TAF3: variants seen among roughly 807,000 people sequenced by gnomAD.
The protein encoded by TAF3 is transcription initiation factor TFIID subunit 3.
In TAF3, 7 loss-of-function variants were observed where a neutral mutation model predicts 80.6. The ratio of observed to expected loss-of-function variants is 0.09; its 90% CI spans 0.05 to 0.16. The LOEUF is 0.16. Ranked by LOEUF, TAF3 falls within the 10% of genes least tolerant of loss-of-function variation. TAF3 has a pLI of 1.00. For synonymous variants in TAF3, 444 were observed against 446.1 expected (o/e 1.00, Z 0.06); for missense variants, 921 against 1,140.2 (o/e 0.81, Z 2.77).
intron 2 of TAF3, among the ~76,000 whole-genome samples, chr10:7,858,890 A>G (rs1372890604): frequency 6.6e-6 from 1 of 152,046 alleles, no homozygotes; most frequent in African/African-American, 2.4e-5. Flanking sequence ...GAACATGTGA[A>G]TGTATCCTCC....
At chr10:7,970,380 T>C (rs1831611222) in intron 3 of TAF3, among the ~76,000 whole-genome samples, 1 of 152,254 alleles carries the variant, frequency 6.6e-6, no homozygotes, top group Non-Finnish European at 1.5e-5. Flanking sequence ...GGGTTTGGTA[T>C]AGTGGTTCCT....
chr10:8,016,158 G>T lies in TAF3; in HGVS notation c.*1407G>T, dbSNP rs866945022. 68 of 152,152 alleles carry T rather than the reference G, an allele frequency of 4.5e-4. No homozygotes were observed. Among genetic ancestry groups the T allele is most frequent in the African/African-American group, 1.5e-3 (64 of 41,512 alleles). 9.4% of individuals were successfully genotyped at this position (152,152 alleles called of 1,614,324 possible). A position where few individuals can be genotyped will look rare whatever the true frequency, so the allele number is the denominator to read the frequency against. On this transcript the variant is annotated 3_prime_UTR_variant, in exon 7 of 7. Transcript: ENST00000344293. ...ATTTTAGCAACTTTGGGATAAATAC[G>T]GACTTTTACTTGATTTTGAAATAAT...
At chr10:8,011,207 A>C (rs1388848009) in intron 5 of TAF3, among the ~76,000 whole-genome samples, 1 of 152,132 alleles carries the variant, frequency 6.6e-6, no homozygotes, top group Non-Finnish European at 1.5e-5. Flanking sequence ...GGTAGGACTC[A>C]TGGTATTTGT....
chr10:7,846,216 C>T (rs778494675), intron 2 of TAF3, among the ~76,000 whole-genome samples: 3 of 151,938 alleles, frequency 2.0e-5, no homozygotes, highest in East Asian at 1.9e-4. Flanking sequence ...CTTGGCCTCC[C>T]GAAGTGCTGG....
chr10:7,986,398 G>A (rs550350422), intron 4 of TAF3, among the ~76,000 whole-genome samples: 3 of 152,038 alleles, frequency 2.0e-5, no homozygotes, highest in Non-Finnish European at 4.4e-5. Context: ...CTTCTTTTTC[G>A]TATATGTTGG....
At chr10:7,863,608 TA>T (rs1230925353) in intron 2 of TAF3, among the ~76,000 whole-genome samples, 295 of 20,398 alleles carry the variant, frequency 0.014, 8 homozygotes, top group East Asian at 0.1. Flanking sequence ...AAACTCTGTC[TA>T]AAAAAAAAAA....
intron 1 of TAF3, among the ~76,000 whole-genome samples, chr10:7,820,031 G>T (rs2131094399): frequency 6.6e-6 from 1 of 152,266 alleles, no homozygotes; most frequent in East Asian, 1.9e-4. Flanking sequence ...CTAGCATTTT[G>T]CTTACCTTTT....
chr10:8,013,881 A>G lies in TAF3; in HGVS notation c.2675+44A>G, dbSNP rs148015524. The G allele has an allele frequency of 7.5e-4, 1,134 of 1,519,324 alleles. 4 individuals are homozygous for G. The African/African-American group carries it at 0.011, about 15-fold the overall frequency. 94.1% of individuals were successfully genotyped at this position (1,519,324 alleles called of 1,614,324 possible). On this transcript the variant is annotated intron_variant, in intron 6 of 6. Transcript: ENST00000344293. ...CTGCCGGCCACACTCATTAGGCAGC[A>G]TCAGCCGCTCCTGAGATGAAGCATC...
At chr10:7,973,251 A>G (rs1443817071) in intron 3 of TAF3, among the ~76,000 whole-genome samples, 1 of 152,240 alleles carries the variant, frequency 6.6e-6, no homozygotes, top group Non-Finnish European at 1.5e-5. Flanking sequence ...GGCCAAACAC[A>G]CAACTCAATA....
chr10:7,836,739 A>G (rs1415496939), intron 2 of TAF3, among the ~76,000 whole-genome samples: 1 of 152,198 alleles, frequency 6.6e-6, no homozygotes, highest in Non-Finnish European at 1.5e-5. Context: ...TTTCTTAAAA[A>G]ATTTCCAAAA....
At chr10:7,879,724 C>T (rs372478014) in intron 2 of TAF3, among the ~76,000 whole-genome samples, 20 of 152,074 alleles carry the variant, frequency 1.3e-4, no homozygotes, top group East Asian at 9.6e-4. Flanking sequence ...AGTTATTTAC[C>T]TTTCTGGATT....
At chr10:7,989,585 T>C (rs1246892736) in intron 4 of TAF3, among the ~76,000 whole-genome samples, 1 of 152,244 alleles carries the variant, frequency 6.6e-6, no homozygotes, top group Admixed American at 6.5e-5. Context: ...TGGTTCTGTA[T>C]ACATCATAGA....
chr10:8,011,678 G>T (rs1471333777), intron 5 of TAF3, among the ~76,000 whole-genome samples: 1 of 152,166 alleles, frequency 6.6e-6, no homozygotes, highest in Non-Finnish European at 1.5e-5. Flanking sequence ...TTAATTAGAG[G>T]CAACATCACC....
chr10:7,891,092 A>C (rs1446244333), intron 2 of TAF3, among the ~76,000 whole-genome samples: 1 of 152,208 alleles, frequency 6.6e-6, no homozygotes, highest in Admixed American at 6.5e-5. Flanking sequence ...TTTAGAGAAA[A>C]ATGGAGAGGA....
At chr10:7,912,997 C>T (rs1307511221) in intron 2 of TAF3, among the ~76,000 whole-genome samples, 1 of 152,098 alleles carries the variant, frequency 6.6e-6, no homozygotes, top group East Asian at 1.9e-4. Context: ...AGTCTAGGAC[C>T]GAGGGGTCAG....
chr10:7,954,864 G>T (rs1171536185), intron 2 of TAF3, among the ~76,000 whole-genome samples: 2 of 137,946 alleles, frequency 1.4e-5, no homozygotes. Flanking sequence ...GCACTCCATA[G>T]GTGAATGAGT....
chr10:7,963,174 C>T (rs75930726), intron 2 of TAF3, among the ~76,000 whole-genome samples: 2,230 of 152,236 alleles, frequency 0.015, 30 homozygotes, highest in South Asian at 0.05. Context: ...ATGAATTTGT[C>T]ATAAAAGTCC....
At chr10:7,851,717 T>G (rs1257602431) in intron 2 of TAF3, among the ~76,000 whole-genome samples, 1 of 152,162 alleles carries the variant, frequency 6.6e-6, no homozygotes, top group Non-Finnish European at 1.5e-5. Flanking sequence ...AGCATATAAC[T>G]CTAAAAGATA....
At chr10:7,831,197 C>G (rs1836796628) in intron 2 of TAF3, among the ~76,000 whole-genome samples, 1 of 152,172 alleles carries the variant, frequency 6.6e-6, no homozygotes, top group Non-Finnish European at 1.5e-5. Flanking sequence ...ATAGGGAAAG[C>G]AGGGTTAACG....
Sources: gnomAD v4.1 joint callset for allele counts (sites outside exome capture counted in the v4.1 genomes callset) on GRCh38, gnomAD v4.1.1 for gene constraint, MANE v1.5 for transcripts, NCBI Gene and HGNC (gene_info 2026-07-23, HGNC 2026-07-21) for gene names.